The following IQGAP3 variants were observed in gnomAD, a reference collection of about 807,000 sequenced individuals.
IQGAP3 encodes IQ motif containing GTPase activating protein 3.
A neutral mutation model predicts 208.2 loss-of-function variants in IQGAP3; 165 were observed. The ratio of observed to expected loss-of-function variants is 0.79; its 90% confidence interval spans 0.70 to 0.90. The LOEUF is 0.90. Among genes scored for constraint, IQGAP3 ranks in the 40% least tolerant of loss-of-function variants. IQGAP3 has a pLI of 0.00. For synonymous variants in IQGAP3, 703 were observed against 803.6 expected (o/e 0.87, Z 2.12); for missense variants, 1,811 against 2,043.1 (o/e 0.89, Z 2.19).
chr1:156,530,076 G>A (rs1237961578), intron 34 of IQGAP3, 29 bp downstream of exon 34: 11 of 1,531,712 alleles, frequency 7.2e-6, no homozygotes, highest in Non-Finnish European at 9.8e-6. Context: ...GTACACACAG[G>A]CACACGGAGC....
rs1441480806 is a variant in IQGAP3 at position 156,538,974 on chromosome 1, A to T, written c.3116T>A (p.Val1039Glu). ...CCGCCCATTACGGTAGAATCTCACC[A>T]CCAGCCTCACCACTGTTGGGTTGCC... ...VTGNPTVVRL[V>E]VRFYRNGRGQ... The change falls in exon 26 of 38, where the codon GTG (valine) becomes GAG (glutamate). Residue 1039 changes from valine to glutamate, a missense_variant. Transcript: ENST00000361170. 2 of 1,613,994 alleles carry T rather than the reference A, an allele frequency of 1.2e-6. No homozygotes were observed. Among genetic ancestry groups the T allele is most frequent in the Admixed American group, 3.3e-5 (2 of 60,000 alleles).
chr1:156,527,076 C>T (rs1252851693), intron 37 of IQGAP3, among the ~76,000 whole-genome samples: 1 of 151,662 alleles, frequency 6.6e-6, no homozygotes, highest in Non-Finnish European at 1.5e-5. Context: ...CGTGATCCGC[C>T]CGCCTCGGCC....
rs556496409 is a variant in IQGAP3, at chr1:156,560,916, G to A, written c.1129+18C>T. On this transcript the variant is annotated intron_variant, in intron 11 of 37. Coordinates refer to ENST00000361170, the MANE Select transcript of IQGAP3 (RefSeq NM_178229.5). Reference sequence around the variant, plus strand: ...AGAGATACGCACAGAGCAGGCCTCAGACCTGCAGATGACTTACTGGCTTGT... The same window carrying A: ...AGAGATACGCACAGAGCAGGCCTCAAACCTGCAGATGACTTACTGGCTTGT... 1.1e-5 allele frequency: 18 copies of A among 1,578,554 alleles called. No individual in the cohort carries two copies. In the African/African-American group the frequency reaches 2.2e-4, roughly 19 times the overall value.
Position 156,534,098 on chromosome 1 carries a change from G to A in IQGAP3, c.3784C>T (p.Arg1262Cys), listed in dbSNP as rs745414553. 5.0e-6 allele frequency: 8 copies of A among 1,613,948 alleles called. No individual in the cohort carries two copies. The highest frequency in any genetic ancestry group is 5.9e-6 in the Non-Finnish European group (7 of 1,180,016). Residue 1262 changes from arginine (R) to cysteine (C), a missense_variant, in exon 30 of 38, where the codon CGT (arginine) becomes TGT (cysteine). Physicochemically the swap from Arg to Cys is radical, Grantham distance 180. Coordinates refer to ENST00000361170, the MANE Select transcript of IQGAP3 (RefSeq NM_178229.5). ...RACQVPEPEE[R>C]FAVDEYSDMV... ...TCTGAGTACTCGTCCACTGCAAAAC[G>A]CTCCTCTGGCTCTGGCACCTGGCAG...
At chr1:156,539,221 T>C in intron 25 of IQGAP3, 153 bp downstream of exon 25, 1 of 836,242 alleles carries the variant, frequency 1.2e-6, no homozygotes, top group East Asian at 2.7e-5. Flanking sequence ...CTGTCCCAGA[T>C]GTTTTACGGT....
intron 22 of IQGAP3, among the ~76,000 whole-genome samples, chr1:156,541,781 C>A (rs1050659652): frequency 6.6e-6 from 1 of 152,202 alleles, no homozygotes; most frequent in Non-Finnish European, 1.5e-5. Flanking sequence ...GACAAATAAA[C>A]CACAATTCAC....
At chr1:156,542,213 A>G (rs1462095312) in intron 22 of IQGAP3, among the ~76,000 whole-genome samples, 1 of 152,168 alleles carries the variant, frequency 6.6e-6, no homozygotes, top group African/African-American at 2.4e-5. Flanking sequence ...ATTTTTAGAC[A>G]GAGTCTCGCT....
rs140686020 is a variant in IQGAP3 at position 156,554,246 on chromosome 1, T to A, written c.1437A>T (p.Glu479Asp). 5 of 1,607,458 alleles carry A rather than the reference T, an allele frequency of 3.1e-6. No homozygotes were observed. Among genetic ancestry groups the A allele is most frequent in the Middle Eastern group, 3.3e-4 (2 of 6,018 alleles). ...PATGLAEVEG[E>D]NAQRYFDALL... ...TAAGCCTTTCTCACCGCTGGGCATT[T>A]TCTCCTTCCACCTCAGCCAGGCCTG... Residue 479 changes from glutamate to aspartate, a missense_variant, in exon 13 of 38, where the codon GAA (glutamate) becomes GAT (aspartate). Coordinates refer to ENST00000361170, the MANE Select transcript of IQGAP3 (RefSeq NM_178229.5).
At chr1:156,557,571 C>T (rs1675898225) in intron 11 of IQGAP3, among the ~76,000 whole-genome samples, 1 of 82,060 alleles carries the variant, frequency 1.2e-5, no homozygotes, top group African/African-American at 3.8e-5. Context: ...GTGGGGGGGT[C>T]AGCCCCCCGC....
At chr1:156,569,195 A>T (rs1160599165) in intron 2 of IQGAP3, among the ~76,000 whole-genome samples, 181 bp downstream of exon 2, 1 of 150,320 alleles carries the variant, frequency 6.7e-6, no homozygotes, top group Admixed American at 6.7e-5. Context: ...TGCGGTATAT[A>T]GTGGGTAAAA....
intron 22 of IQGAP3, among the ~76,000 whole-genome samples, chr1:156,542,534 A>G (rs979867437): frequency 6.6e-6 from 1 of 152,222 alleles, no homozygotes; most frequent in Non-Finnish European, 1.5e-5. Flanking sequence ...AGGCCAAGAC[A>G]ATTCATGGCA....
chr1:156,568,790 G>A (rs2102449608), intron 2 of IQGAP3, among the ~76,000 whole-genome samples: 1 of 152,212 alleles, frequency 6.6e-6, no homozygotes, highest in Non-Finnish European at 1.5e-5. Flanking sequence ...GAAATACAGG[G>A]TATACAGGAA....
At chr1:156,566,853 G>A (rs1676420547) in intron 2 of IQGAP3, among the ~76,000 whole-genome samples, 1 of 150,206 alleles carries the variant, frequency 6.7e-6, no homozygotes, top group Non-Finnish European at 1.5e-5. Context: ...ACTCAGTCTA[G>A]TTACATGCTT....
At chr1:156,540,997 C>T (rs867383299) in intron 22 of IQGAP3, 81 bp from the exon 23 acceptor site, 5 of 1,131,196 alleles carry the variant, frequency 4.4e-6, no homozygotes, top group Middle Eastern at 2.8e-4. Flanking sequence ...AGTCAGCCCA[C>T]CCCAGTCCCC....
In IQGAP3 at chr1:156,528,540, A is replaced by C; in HGVS notation, c.4642T>G (p.Leu1548Val). 6.2e-7 allele frequency: 1 copy of C among 1,614,090 alleles called. No homozygotes were observed. Among genetic ancestry groups the C allele is most frequent in the Non-Finnish European group, 8.5e-7 (1 of 1,179,944 alleles). ...GCGGGAAGATCTTCAATTTCCACCA[A>C]GACACCCTTTTCCAGGAGCTGAGCA... ...TAAQLLEKGV[L>V]VEIEDLPASH... The change falls in exon 36 of 38, where the codon TTG becomes GTG. Residue 1548 changes from leucine (L) to valine (V), a missense_variant. Leu to Val is a conservative substitution (Grantham distance 32). Transcript: ENST00000361170.
At chr1:156,546,856 C>A (rs959142020) in intron 19 of IQGAP3, among the ~76,000 whole-genome samples, 2 of 152,192 alleles carry the variant, frequency 1.3e-5, no homozygotes. Flanking sequence ...ACATCTGTCT[C>A]CCTTGGTGTC....
Position 156,560,914 on chromosome 1 carries a change from C to T in IQGAP3, c.1129+20G>A, listed in dbSNP as rs2102432756. On this transcript the variant is annotated intron_variant, in intron 11 of 37. Transcript: ENST00000361170. ...TCAGAGATACGCACAGAGCAGGCCTCAGACCTGCAGATGACTTACTGGCTT... is the reference window on the plus strand; with the variant it reads ...TCAGAGATACGCACAGAGCAGGCCTTAGACCTGCAGATGACTTACTGGCTT... 6.4e-7 allele frequency: 1 copy of T among 1,554,834 alleles called. No homozygotes were observed. Among genetic ancestry groups the T allele is most frequent in the East Asian group, 2.2e-5 (1 of 44,602 alleles).
chr1:156,551,944 C>T lies in IQGAP3; in HGVS notation c.1570+30G>A, dbSNP rs1430282795. On this transcript the variant is annotated intron_variant, in intron 14 of 37. Coordinates refer to ENST00000361170, the MANE Select transcript of IQGAP3 (RefSeq NM_178229.5). ...AGGGACAGGACTGCCTAAGTTGGGC[C>T]ATCTCCACCCAGCTCCAGACTATAC... The T allele has an allele frequency of 3.7e-6, 6 of 1,606,850 alleles. No individual in the cohort carries two copies. The African/African-American group carries it at 4.0e-5, about 11-fold the overall frequency.
intron 37 of IQGAP3, 112 bp from the exon 38 acceptor site, chr1:156,526,711 GC>G (rs907950469): frequency 7.1e-6 from 5 of 701,746 alleles, no homozygotes; most frequent in Non-Finnish European, 1.3e-5. Context: ...AGTGGCACTG[GC>G]CACTGAAGTA....
Sources: allele counts gnomAD v4.1 joint callset (sites outside exome capture counted in the v4.1 genomes callset), GRCh38; gene constraint gnomAD v4.1.1; transcripts MANE v1.5; gene names NCBI Gene and HGNC (gene_info 2026-07-23, HGNC 2026-07-21).